Variants in GPR158 observed in about 807,000 individuals in gnomAD.
GPR158 encodes the protein G protein-coupled receptor 158.
In GPR158, 30 loss-of-function variants were observed where a neutral mutation model predicts 78.2. The observed-to-expected ratio is 0.38, with a 90% CI of 0.29 to 0.52. GPR158 has a LOEUF of 0.52. Among genes scored for constraint, GPR158 ranks in the 20% least tolerant of loss-of-function variants. The pLI, the probability that GPR158 is intolerant of heterozygous loss-of-function variation, is 0.83. For synonymous variants in GPR158, 581 were observed against 591.1 expected, an observed-to-expected ratio of 0.98 and a Z score of 0.25; for missense variants, 1,463 against 1,523.5, an observed-to-expected ratio of 0.96 and a Z score of 0.66.
At position 25,598,397 on chromosome 10, in the gene GPR158, G is replaced by A. The variant is rs1588930468; in HGVS notation, c.2771G>A (p.Gly924Asp). 2 of 1,614,082 alleles carry A rather than the reference G, an allele frequency of 1.2e-6. No individual in the cohort carries two copies. Among genetic ancestry groups the A allele is most frequent in the Non-Finnish European group, 1.7e-6 (2 of 1,180,022 alleles). Residue 924 changes from glycine to aspartate, a missense_variant, in exon 11 of 11, where the codon GGT becomes GAT. Physicochemically the swap from Gly to Asp is moderately conservative, Grantham distance 94. Transcript: ENST00000376351. ...TTAGCTGGGAAAACCCAAACAGCAG[G>A]TGTGGAAGAACGCACTAAATCCCAG... is the stretch of plus-strand genomic sequence containing the variant. ...LGLAGKTQTA[G>D]VEERTKSQKP...
intron 5 of GPR158, among the ~76,000 whole-genome samples, chr10:25,487,459 C>G (rs1288465798): frequency 6.6e-6 from 1 of 152,210 alleles, no homozygotes; most frequent in Non-Finnish European, 1.5e-5. Context: ...TGCCAGCCAT[C>G]TGTTGCAGTG....
At chr10:25,384,800 C>G (rs1313545238) in intron 2 of GPR158, among the ~76,000 whole-genome samples, 1 of 152,094 alleles carries the variant, frequency 6.6e-6, no homozygotes, top group African/African-American at 2.4e-5. Context: ...GACTGTCAGG[C>G]TGACCAGGTT....
At chr10:25,416,952 AG>A (rs1220859797) in intron 4 of GPR158, among the ~76,000 whole-genome samples, 2 of 152,172 alleles carry the variant, frequency 1.3e-5, no homozygotes, top group African/African-American at 4.8e-5. Flanking sequence ...GGATTCCATG[AG>A]GGCAGGGATA....
rs1588720014 is a variant in GPR158, at chr10:25,176,652, A to C, written c.902+330A>C. 6.6e-6 allele frequency among the ~76,000 whole-genome samples: 1 copy of C among 152,116 alleles called. No homozygotes were observed. The highest frequency in any genetic ancestry group is 1.9e-4 in the East Asian group (1 of 5,148). ...CCCTCCAATTGTCCGGAGAGCAGGG[A>C]GGGGCGTTCCCCACCGGGGGGCGAT... On this transcript the variant is annotated intron_variant, in intron 1 of 10. Coordinates refer to ENST00000376351, the MANE Select transcript of GPR158 (RefSeq NM_020752.3). This position sits in a 1 kb window ranked among gnomAD's most constrained non-coding sequence, Gnocchi z 6.3.
chr10:25,363,008 T>A (rs990153254), intron 2 of GPR158, among the ~76,000 whole-genome samples: 2 of 151,930 alleles, frequency 1.3e-5, no homozygotes, highest in Admixed American at 1.3e-4. Flanking sequence ...TTGAATCATG[T>A]TTTTTTACAT....
At chr10:25,219,332 A>G (rs1371874275) in intron 1 of GPR158, among the ~76,000 whole-genome samples, 1 of 152,208 alleles carries the variant, frequency 6.6e-6, no homozygotes, top group African/African-American at 2.4e-5. Flanking sequence ...AGTGATATGC[A>G]CATACCAGAC....
chr10:25,430,665 T>C, intron 4 of GPR158, among the ~76,000 whole-genome samples: 1 of 148,010 alleles, frequency 6.8e-6, no homozygotes, highest in Non-Finnish European at 1.5e-5. Flanking sequence ...AAAACAGAGA[T>C]ATAGATCAAT....
intron 5 of GPR158, among the ~76,000 whole-genome samples, chr10:25,490,173 T>A (rs1835786239): frequency 6.6e-6 from 1 of 152,092 alleles, no homozygotes; most frequent in Non-Finnish European, 1.5e-5. Context: ...GTTGTGGAGA[T>A]ATTTGGAAAC....
intron 4 of GPR158, among the ~76,000 whole-genome samples, chr10:25,461,678 T>G (rs1202397770): frequency 6.6e-6 from 1 of 152,032 alleles, no homozygotes; most frequent in Non-Finnish European, 1.5e-5. Flanking sequence ...AAACAACAGA[T>G]TTTCAATATT....
intron 5 of GPR158, among the ~76,000 whole-genome samples, chr10:25,520,561 G>A (rs1836247182): frequency 1.3e-5 from 2 of 150,140 alleles, no homozygotes; most frequent in African/African-American, 2.5e-5. Flanking sequence ...CAGTGTGGAT[G>A]TCCTTTCTGT....
At chr10:25,468,755 C>T (rs1021521235) in intron 5 of GPR158, among the ~76,000 whole-genome samples, 5 of 152,162 alleles carry the variant, frequency 3.3e-5, no homozygotes, top group South Asian at 2.1e-4. Context: ...AGCCAACTTA[C>T]GTTCAGTGGT....
chr10:25,529,047 A>AACTGGATAAATAT (rs1462602861), intron 5 of GPR158, among the ~76,000 whole-genome samples: 17 of 152,204 alleles, frequency 1.1e-4, no homozygotes, highest in African/African-American at 3.9e-4. Flanking sequence ...GTGCTGAAAC[A>AACTGGATAAATAT]ACTGGATAAA....
chr10:25,558,079 C>A (rs191131704), intron 6 of GPR158, among the ~76,000 whole-genome samples: 1 of 152,306 alleles, frequency 6.6e-6, no homozygotes, highest in East Asian at 1.9e-4. Flanking sequence ...GTTCTAATTT[C>A]TAATTACAGC....
intron 3 of GPR158, among the ~76,000 whole-genome samples, chr10:25,403,253 T>C (rs1834469575): frequency 6.6e-6 from 1 of 152,014 alleles, no homozygotes; most frequent in Non-Finnish European, 1.5e-5. Flanking sequence ...TGTTTTTTTC[T>C]TGTCAATGAA....
At chr10:25,596,868 G>A (rs954440997) in intron 10 of GPR158, 79 bp downstream of exon 10, 133 of 1,179,902 alleles carry the variant, frequency 1.1e-4, no homozygotes, top group African/African-American at 4.2e-4. Flanking sequence ...GTTGGGGTGC[G>A]TGTGTGCATG....
intron 2 of GPR158, among the ~76,000 whole-genome samples, chr10:25,252,538 G>A (rs1269091478): frequency 1.9e-4 from 29 of 150,640 alleles, no homozygotes; most frequent in African/African-American, 6.6e-4. Flanking sequence ...TAACAGACAG[G>A]ACCCTCAGCT....
intron 2 of GPR158, among the ~76,000 whole-genome samples, chr10:25,372,943 T>G (rs1834020968): frequency 6.6e-6 from 1 of 151,938 alleles, no homozygotes; most frequent in Non-Finnish European, 1.5e-5. Context: ...AGCAATCTTA[T>G]TACTCGGTAT....
chr10:25,510,574 T>C (rs1337644836), intron 5 of GPR158, among the ~76,000 whole-genome samples: 1 of 152,084 alleles, frequency 6.6e-6, no homozygotes, highest in African/African-American at 2.4e-5. Flanking sequence ...ATTTCAATAG[T>C]TTTTTGGGGA....
intron 2 of GPR158, among the ~76,000 whole-genome samples, chr10:25,305,009 C>T (rs142357866): frequency 7.2e-5 from 11 of 152,306 alleles, no homozygotes; most frequent in Admixed American, 1.3e-4. Flanking sequence ...CAAAGATCTT[C>T]TAGGGCTCTA....
Sources: gnomAD v4.1 joint callset for allele counts (sites outside exome capture counted in the v4.1 genomes callset) on GRCh38, gnomAD v4.1.1 for gene constraint, Gnocchi (gnomAD v3.1) non-coding constraint, MANE v1.5 for transcripts, NCBI Gene and HGNC (gene_info 2026-07-23, HGNC 2026-07-21) for gene names.